The following CWF19L2 variants were observed in gnomAD, a reference collection of about 807,000 sequenced individuals.
CWF19L2 encodes CWF19 like cell cycle control factor 2, also known as CWF19-like protein 2.
A neutral mutation model predicts 111.7 loss-of-function variants in CWF19L2; 98 were observed. That is an observed-to-expected ratio of 0.88 (90% CI 0.75 to 1.04). CWF19L2 has a LOEUF of 1.04. Among genes scored for constraint, CWF19L2 ranks in the 50% least tolerant of loss-of-function variants. CWF19L2 has a pLI of 0.00. For missense variants in CWF19L2, 1,101 were observed against 1,051.4 expected (o/e 1.05, Z -0.65); for synonymous variants, 351 against 342.9 (o/e 1.02, Z -0.26).
intron 10 of CWF19L2, among the ~76,000 whole-genome samples, chr11:107,415,207 C>T (rs748500764): frequency 1.3e-5 from 2 of 152,086 alleles, no homozygotes; most frequent in African/African-American, 4.8e-5. Context: ...CATCTTTGGG[C>T]CTTTAAATCT....
Position 107,418,400 on chromosome 11 carries a change from G to T in CWF19L2, c.1434-113C>A. ...CTCAACAAAGCATTCAGTACCAATAGCAGATCATGATTGTAATACATGTAA... is the reference window on the plus strand; with the variant it reads ...CTCAACAAAGCATTCAGTACCAATATCAGATCATGATTGTAATACATGTAA... On this transcript the variant is annotated intron_variant, in intron 8 of 17. Transcript: ENST00000282251. 8.4e-6 allele frequency: 6 copies of T among 713,888 alleles called. No homozygotes were observed. The South Asian group carries it at 8.9e-5, about 11-fold the overall frequency. The allele number at this position is 713,888 out of a possible 1,614,324, so 44.2% of individuals were successfully genotyped here.
At chr11:107,344,181 C>CT (rs1860045424) in intron 14 of CWF19L2, among the ~76,000 whole-genome samples, 1 of 152,102 alleles carries the variant, frequency 6.6e-6, no homozygotes, top group Non-Finnish European at 1.5e-5. Flanking sequence ...CCACTGCACT[C>CT]CAGCCTGGGT....
In CWF19L2 at chr11:107,372,236, G is replaced by A. The variant is rs904485590; in HGVS notation, c.1872+17838C>T. 4.4e-5 allele frequency among the ~76,000 whole-genome samples: 6 copies of A among 136,090 alleles called. 1 individual carries two copies. The South Asian group carries it at 1.5e-3, about 35-fold the overall frequency. 89.3% of individuals were successfully genotyped at this position (136,090 alleles called of 152,430 possible). On this transcript the variant is annotated intron_variant, in intron 12 of 17. Transcript: ENST00000282251. ...CTCAAAGAACTGTCAAGTTATAGCT[G>A]TGATGGCAATTTGAGATGCTAACAG...
chr11:107,348,440 G>C (rs909761151), intron 14 of CWF19L2, among the ~76,000 whole-genome samples: 5 of 152,088 alleles, frequency 3.3e-5, no homozygotes, highest in African/African-American at 1.2e-4. Context: ...AGCTGGGCCA[G>C]ATTATGAAGG....
chr11:107,420,978 C>T (rs552255131), intron 8 of CWF19L2, among the ~76,000 whole-genome samples: 3 of 152,154 alleles, frequency 2.0e-5, no homozygotes, highest in South Asian at 4.2e-4. Flanking sequence ...CACCACCCAA[C>T]AAGAATAGAA....
intron 12 of CWF19L2, among the ~76,000 whole-genome samples, chr11:107,360,741 T>A (rs1004221253): frequency 6.6e-6 from 1 of 152,248 alleles, no homozygotes; most frequent in Non-Finnish European, 1.5e-5. Flanking sequence ...TGATTAGCGA[T>A]GTTGAACATT....
chr11:107,372,952 T>G (rs1438871286), intron 12 of CWF19L2, among the ~76,000 whole-genome samples: 3 of 115,382 alleles, frequency 2.6e-5, no homozygotes, highest in Non-Finnish European at 5.2e-5. Flanking sequence ...AGGCATTGCC[T>G]CACTTGGGAA....
At chr11:107,380,387 G>A (rs1442505023) in intron 12 of CWF19L2, among the ~76,000 whole-genome samples, 1 of 152,054 alleles carries the variant, frequency 6.6e-6, no homozygotes, top group Non-Finnish European at 1.5e-5. Context: ...GGACTCTATG[G>A]ATAGTGAAGC....
At chr11:107,422,304 G>A (rs895862575) in intron 8 of CWF19L2, among the ~76,000 whole-genome samples, 1 of 151,940 alleles carries the variant, frequency 6.6e-6, no homozygotes, top group Non-Finnish European at 1.5e-5. Context: ...TCATACATGT[G>A]GGTTCCAACT....
intron 10 of CWF19L2, among the ~76,000 whole-genome samples, chr11:107,403,165 G>A (rs145441417): frequency 2.0e-5 from 3 of 151,482 alleles, no homozygotes; most frequent in East Asian, 3.9e-4. Context: ...TATACTGCTT[G>A]AGTGATGGGT....
chr11:107,421,673 T>G (rs1036244320), intron 8 of CWF19L2, among the ~76,000 whole-genome samples: 6 of 152,138 alleles, frequency 3.9e-5, no homozygotes, highest in Admixed American at 3.9e-4. Context: ...ACACATCCGC[T>G]AGAAGAGCTA....
At chr11:107,399,669 A>G (rs1310425032) in intron 10 of CWF19L2, among the ~76,000 whole-genome samples, 1 of 152,230 alleles carries the variant, frequency 6.6e-6, no homozygotes, top group East Asian at 1.9e-4. Context: ...CAAGACAGAA[A>G]GTCAACAAAG....
intron 12 of CWF19L2, among the ~76,000 whole-genome samples, chr11:107,354,618 T>C (rs894724971): frequency 3.9e-5 from 6 of 152,200 alleles, no homozygotes; most frequent in Admixed American, 3.9e-4. Flanking sequence ...CTTAAATGCA[T>C]AGCCCTAAGG....
rs758614100 is a variant in CWF19L2, at chr11:107,329,945, C to T, written c.2514G>A (p.Gln838=). Residue 838 remains glutamine (Q), a synonymous_variant, in exon 17 of 18, where the codon CAG becomes CAA. Transcript: ENST00000282251. ...TTCCAAAGTAATGAGGGAATTTGTG[C>T]TGATCTTCAATGACATGGGCAAACC... The part of the protein sequence containing the change: ...HGGFAHVIED[Q]HKFPHYFGKE... 6.3e-7 allele frequency: 1 copy of T among 1,591,156 alleles called. No homozygotes were observed.
chr11:107,457,564 G>A (rs1352969373), intron 1 of CWF19L2, 148 bp downstream of exon 1: 5 of 605,390 alleles, frequency 8.3e-6, no homozygotes, highest in Non-Finnish European at 1.5e-5. Context: ...CTACAAAAGG[G>A]TTTACCGGCA....
intron 8 of CWF19L2, among the ~76,000 whole-genome samples, chr11:107,427,128 A>T (rs1861389337): frequency 6.6e-6 from 1 of 152,070 alleles, no homozygotes; most frequent in African/African-American, 2.4e-5. Context: ...AATCATGACC[A>T]TTCACTTATA....
chr11:107,430,525 A>T (rs1385537970), intron 7 of CWF19L2, among the ~76,000 whole-genome samples: 1 of 152,156 alleles, frequency 6.6e-6, no homozygotes, highest in South Asian at 2.1e-4. Flanking sequence ...AAAATTACTC[A>T]AGATGATTAA....
chr11:107,432,070 T>C (rs548137250), intron 7 of CWF19L2, among the ~76,000 whole-genome samples: 167 of 152,228 alleles, frequency 1.1e-3, no homozygotes, highest in Non-Finnish European at 1.4e-3. Flanking sequence ...AGAGCACTAA[T>C]TCATGAAAAA....
chr11:107,390,956 C>T (rs1860838284), intron 11 of CWF19L2, among the ~76,000 whole-genome samples: 1 of 152,188 alleles, frequency 6.6e-6, no homozygotes, highest in South Asian at 2.1e-4. Context: ...CTTGCTGAGT[C>T]TTCTGGCCTT....
Sources: allele counts gnomAD v4.1 joint callset (sites outside exome capture counted in the v4.1 genomes callset), GRCh38; gene constraint gnomAD v4.1.1; transcripts MANE v1.5; gene names NCBI Gene and HGNC (gene_info 2026-07-23, HGNC 2026-07-21).